Variants in DLC1 observed in about 807,000 individuals in gnomAD.
DLC1 encodes rho GTPase-activating protein 7.
Under a neutral mutation model 140.3 loss-of-function variants are expected in DLC1, and 54 were observed. The observed-to-expected ratio is 0.38, with a 90% CI of 0.31 to 0.48. The LOEUF (loss-of-function observed/expected upper bound fraction) is 0.48, where lower values mean the gene tolerates loss of function less well. Among genes scored for constraint, DLC1 ranks in the 20% least tolerant of loss-of-function variants. DLC1 has a pLI of 0.96. For synonymous variants in DLC1, 986 were observed against 728.1 expected (o/e 1.35, Z -5.70); for missense variants, 2,536 against 1,907.0 (o/e 1.33, Z -6.14).
chr8:13,209,282 T>A (rs1345530267), intron 5 of DLC1, among the ~76,000 whole-genome samples: 4 of 152,118 alleles, frequency 2.6e-5, no homozygotes, highest in Non-Finnish European at 5.9e-5. Flanking sequence ...TCTCAAGATT[T>A]TTGAGAGTCC....
intron 5 of DLC1, among the ~76,000 whole-genome samples, chr8:13,300,874 G>A (rs1832166144): frequency 6.6e-6 from 1 of 152,220 alleles, no homozygotes; most frequent in Non-Finnish European, 1.5e-5. Flanking sequence ...ATAGACTGGT[G>A]TAATGATTGG....
At chr8:13,314,906 C>A (rs1417640654) in intron 4 of DLC1, among the ~76,000 whole-genome samples, 2 of 152,144 alleles carry the variant, frequency 1.3e-5, no homozygotes, top group East Asian at 3.8e-4. Context: ...GGTAACCACC[C>A]ACAAATTTGA....
chr8:13,510,117 A>G (rs1203973329), intron 1 of DLC1, among the ~76,000 whole-genome samples: 1 of 152,064 alleles, frequency 6.6e-6, no homozygotes, highest in Admixed American at 6.6e-5. Context: ...ATGATATTTC[A>G]ATATAGATGA....
Position 13,499,566 on chromosome 8 carries a change from T to C in DLC1, c.506A>G (p.Glu169Gly), listed in dbSNP as rs1801688507. ...TTCTTTTACCAGTGCTAATTCAGTT[T>C]CACCAGCTATTCCCCAGGAGTTAGA... ...VSSNSWGIAG[E>G]TELALVKESG... Residue 169 changes from glutamate (E) to glycine (G), a missense_variant, in exon 2 of 18, where the codon GAA becomes GGA. Physicochemically the swap from Glu to Gly is moderately conservative, Grantham distance 98. Transcript: ENST00000276297. 1 of 1,614,214 alleles carries C rather than the reference T, an allele frequency of 6.2e-7. No individual in the cohort carries two copies. Among genetic ancestry groups the C allele is most frequent in the Non-Finnish European group, 8.5e-7 (1 of 1,180,022 alleles).
chr8:13,510,481 C>T lies in DLC1; in HGVS notation c.-126+4121G>A, dbSNP rs542773306. Among the ~76,000 whole-genome samples the T allele has an allele frequency of 2.6e-5, 4 of 152,214 alleles. No individual in the cohort carries two copies. In the South Asian group the frequency reaches 8.3e-4, roughly 32 times the overall value. On this transcript the variant is annotated intron_variant, in intron 1 of 17. Transcript: ENST00000276297. ...TGACTTATGCCTTTTTAAACAAGGA[C>T]TTGTTGATTATACTGTATGCAAAAC...
intron 5 of DLC1, among the ~76,000 whole-genome samples, chr8:13,146,338 T>A (rs1823437654): frequency 6.6e-6 from 1 of 152,016 alleles, no homozygotes; most frequent in South Asian, 2.1e-4. Flanking sequence ...ATATTTTGCT[T>A]ATGTTTTAAA....
intron 5 of DLC1, among the ~76,000 whole-genome samples, chr8:13,248,441 C>A (rs74826725): frequency 0.13 from 19,205 of 152,128 alleles, 1,287 homozygotes; most frequent in South Asian, 0.16. Flanking sequence ...CCTTATTCTC[C>A]CAACTCTTTT....
chr8:13,301,503 A>T (rs1253547717), intron 5 of DLC1, among the ~76,000 whole-genome samples: 2 of 152,208 alleles, frequency 1.3e-5, no homozygotes, highest in Non-Finnish European at 2.9e-5. Context: ...TGTACCAAGC[A>T]TTGTTGCCTT....
At chr8:13,132,901 G>C in intron 5 of DLC1, 1 of 1,561,596 alleles carries the variant, frequency 6.4e-7, no homozygotes, top group East Asian at 2.4e-5. Flanking sequence ...TCCGCAGCCC[G>C]CTCCCGCGGC....
chr8:13,096,641 A>G (rs1445376215), intron 10 of DLC1, among the ~76,000 whole-genome samples: 2 of 152,154 alleles, frequency 1.3e-5, no homozygotes, highest in African/African-American at 4.8e-5. Flanking sequence ...GTCATTCAGA[A>G]CAAACAACTT....
At chr8:13,507,744 C>T (rs1452631251) in intron 1 of DLC1, among the ~76,000 whole-genome samples, 6 of 152,116 alleles carry the variant, frequency 3.9e-5, no homozygotes. Context: ...TATGAAGTAG[C>T]TTCCATGTCT....
Position 13,234,399 on chromosome 8 carries a change from A to G in DLC1, c.1348+70870T>C, listed in dbSNP as rs147654361. ...GTTCAGTAAAAAATGAAATAGGTCTATTTCAAGCCTATTTCCTGTTTACAC... is the reference window on the plus strand; with the variant it reads ...GTTCAGTAAAAAATGAAATAGGTCTGTTTCAAGCCTATTTCCTGTTTACAC... On this transcript the variant is annotated intron_variant, in intron 5 of 17. Transcript: ENST00000276297. Among the ~76,000 whole-genome samples, 271 of 152,234 alleles carry G rather than the reference A, an allele frequency of 1.8e-3. 1 individual carries two copies. The highest frequency in any genetic ancestry group is 6.2e-3 in the African/African-American group (259 of 41,566).
At chr8:13,425,770 A>G (rs866801593) in intron 2 of DLC1, among the ~76,000 whole-genome samples, 13 of 152,214 alleles carry the variant, frequency 8.5e-5, no homozygotes, top group Admixed American at 2.6e-4. Flanking sequence ...TTCTGTTTTT[A>G]AAATGTAAAA....
At chr8:13,100,838 G>C in intron 8 of DLC1, 68 bp from the exon 9 acceptor site, 1 of 1,485,830 alleles carries the variant, frequency 6.7e-7, no homozygotes, top group East Asian at 2.3e-5. Flanking sequence ...GGCATGAGCA[G>C]GAGGCTGCTC....
At chr8:13,168,600 A>C (rs1401914517) in intron 5 of DLC1, among the ~76,000 whole-genome samples, 1 of 152,254 alleles carries the variant, frequency 6.6e-6, no homozygotes, top group Non-Finnish European at 1.5e-5. Flanking sequence ...GGAAAGGAAA[A>C]GACACAGTAT....
At chr8:13,541,565 A>G (rs1803484306) in intron 1 of DLC1, among the ~76,000 whole-genome samples, 2 of 152,034 alleles carry the variant, frequency 1.3e-5, no homozygotes, top group Admixed American at 6.6e-5. Flanking sequence ...TTATTTATTT[A>G]TTGAGCCGGG....
chr8:13,347,707 T>G (rs924936686), intron 4 of DLC1, among the ~76,000 whole-genome samples: 1 of 152,134 alleles, frequency 6.6e-6, no homozygotes, highest in African/African-American at 2.4e-5. Context: ...GGTCACAGTC[T>G]CTCTCCTATA....
Position 13,551,075 on chromosome 8 carries a change from C to CACACACACACACACACACTT in DLC1, c.-125-50880_-125-50879insAAGTGTGTGTGTGTGTGTGT, listed in dbSNP as rs71207163. Among the ~76,000 whole-genome samples, 24 of 121,678 alleles carry CACACACACACACACACACTT rather than the reference C, an allele frequency of 2.0e-4. No homozygotes were observed. The East Asian group carries it at 3.8e-3, about 19-fold the overall frequency. The allele number at this position is 121,678 out of a possible 152,430, so 79.8% of individuals were successfully genotyped here. A position where few individuals can be genotyped will look rare whatever the true frequency, so the allele number is the denominator to read the frequency against. On this transcript the variant is annotated intron_variant, in intron 1 of 1. Coordinates refer to the DLC1 transcript ENST00000631382. Reference sequence around the variant, plus strand: ...ACACACACACACACACACACACACACTTTTTTTTTTTTTCCAAAGAACACT... The same window carrying CACACACACACACACACACTT: ...ACACACACACACACACACACACACACACACACACACACACACACTTTTTTTTTTTTTTTCCAAAGAACACT...
Position 13,156,330 on chromosome 8 carries a change from AGTTTT to A in DLC1, c.1349-40678_1349-40674del, listed in dbSNP as rs527240875. ...TTCACATACAGTATCCTGAGTACAT[AGTTTT>A]GTTTTGTTCTGAATTTCTTCCTGCT... is the stretch of plus-strand genomic sequence containing the variant. On this transcript the variant is annotated intron_variant, in intron 5 of 17. Transcript: ENST00000276297. Among the ~76,000 whole-genome samples the A allele has an allele frequency of 3.2e-3, 481 of 152,200 alleles. 3 individuals are homozygous for A. The highest frequency in any genetic ancestry group is 0.011 in the African/African-American group (468 of 41,536).
Sources: allele counts gnomAD v4.1 joint callset (sites outside exome capture counted in the v4.1 genomes callset), GRCh38; gene constraint gnomAD v4.1.1; transcripts MANE v1.5; gene names NCBI Gene and HGNC (gene_info 2026-07-23, HGNC 2026-07-21).